MAST4: variants seen among roughly 807,000 people sequenced by gnomAD.
MAST4 encodes microtubule associated serine/threonine kinase family member 4.
Under a neutral mutation model 162.7 loss-of-function variants are expected in MAST4, and 89 were observed. The ratio of observed to expected loss-of-function variants is 0.55; its 90% CI spans 0.46 to 0.65. MAST4 has a LOEUF of 0.65. MAST4 is among the 30% of genes least tolerant of loss of function. The pLI is 0.00. For missense variants in MAST4, 3,153 were observed against 3,374.0 expected (o/e 0.93, Z 1.62); for synonymous variants, 1,479 against 1,361.1 (o/e 1.09, Z -1.91).
chr5:66,900,728 T>C (rs1762958058), intron 4 of MAST4, among the ~76,000 whole-genome samples: 1 of 148,932 alleles, frequency 6.7e-6, no homozygotes, highest in Non-Finnish European at 1.5e-5. Context: ...TAAAAAAAAA[T>C]AGTATTTAAG....
intron 4 of MAST4, among the ~76,000 whole-genome samples, chr5:66,980,013 T>TG (rs113221778): frequency 0.16 from 24,840 of 152,214 alleles, 3,555 homozygotes; most frequent in African/African-American, 0.39. Context: ...GCAAGATTTT[T>TG]GTGTGTAGAA....
At chr5:66,912,950 T>C (rs1415436220) in intron 4 of MAST4, among the ~76,000 whole-genome samples, 3 of 152,188 alleles carry the variant, frequency 2.0e-5, no homozygotes, top group Admixed American at 6.5e-5. Flanking sequence ...AATTGTGAAT[T>C]CTGTTTGTGT....
In MAST4 at chr5:66,609,329, C is replaced by T. The variant is rs1367608282; in HGVS notation, c.363+12311C>T. 2.6e-5 allele frequency among the ~76,000 whole-genome samples: 4 copies of T among 151,654 alleles called. No individual in the cohort carries two copies. In the East Asian group the frequency reaches 7.8e-4, roughly 29 times the overall value. ...ATAGCTGCCCAGCCCTTAAAGTGGA[C>T]TGAAAGTCTATTTGCATAGTTAAAT... On this transcript the variant is annotated intron_variant, in intron 1 of 28. Transcript: ENST00000403625.
chr5:66,659,847 C>G (rs939528631), intron 1 of MAST4, among the ~76,000 whole-genome samples: 4 of 152,148 alleles, frequency 2.6e-5, no homozygotes, highest in Admixed American at 1.3e-4. Flanking sequence ...ACAAAGAGGA[C>G]AAGACATTTG....
chr5:66,769,948 T>A (rs1168655887), intron 2 of MAST4, among the ~76,000 whole-genome samples: 1 of 152,248 alleles, frequency 6.6e-6, no homozygotes, highest in Non-Finnish European at 1.5e-5. Context: ...ATCCTGCTGG[T>A]ATTTGTTTTA....
chr5:66,623,144 G>A (rs182777470), intron 1 of MAST4: 2 of 152,320 alleles, frequency 1.3e-5, no homozygotes, highest in East Asian at 1.9e-4. Context: ...CACCAGGGAA[G>A]CCCTCAAACA....
intron 4 of MAST4, among the ~76,000 whole-genome samples, chr5:66,964,221 A>C (rs1201158270): frequency 6.6e-6 from 1 of 152,146 alleles, no homozygotes; most frequent in Non-Finnish European, 1.5e-5. Flanking sequence ...TATTTTTTAA[A>C]TCATTTTTTA....
At chr5:67,150,374 A>G (rs1223730242) in intron 24 of MAST4, among the ~76,000 whole-genome samples, 4 of 152,248 alleles carry the variant, frequency 2.6e-5, no homozygotes, top group Non-Finnish European at 5.9e-5. Flanking sequence ...CATGTATAAA[A>G]GGCATTGTTT....
chr5:66,960,876 C>T lies in MAST4; in HGVS notation c.674+60894C>T, dbSNP rs114703918. On this transcript the variant is annotated intron_variant, in intron 4 of 28. Transcript: ENST00000403625. ...CTGAATTATGCCACGAGTTTTATGA[C>T]CTTGCCAGCGTCGACACAGGACATA... 2.3e-3 allele frequency among the ~76,000 whole-genome samples: 344 copies of T among 152,256 alleles called. 1 individual carries two copies. The highest frequency in any genetic ancestry group is 7.8e-3 in the African/African-American group (326 of 41,544).
At chr5:66,993,920 A>ACCCCCCCCCCC (rs55759396) in intron 4 of MAST4, among the ~76,000 whole-genome samples, 23 of 57,690 alleles carry the variant, frequency 4.0e-4, no homozygotes, top group East Asian at 6.2e-4. Context: ...TGTGCAGAAG[A>ACCCCCCCCCCC]CCCCCCCCCC....
intron 1 of MAST4, among the ~76,000 whole-genome samples, chr5:66,739,520 A>G (rs1430214327): frequency 6.6e-6 from 1 of 152,120 alleles, no homozygotes; most frequent in Non-Finnish European, 1.5e-5. Flanking sequence ...ACATATATAG[A>G]GGCATTTCGA....
intron 3 of MAST4, among the ~76,000 whole-genome samples, chr5:66,891,896 A>G (rs1326409592): frequency 6.6e-6 from 1 of 152,210 alleles, no homozygotes; most frequent in Non-Finnish European, 1.5e-5. Context: ...AATACACGCA[A>G]GGGTAGATGT....
chr5:67,134,419 T>A, intron 17 of MAST4, 104 bp from the exon 18 acceptor site: 2 of 937,900 alleles, frequency 2.1e-6, no homozygotes, highest in Non-Finnish European at 3.2e-6. Flanking sequence ...TTCCATGTGG[T>A]TGAGCAGGTG....
Position 66,853,611 on chromosome 5 carries a change from A to G in MAST4, c.643-46340A>G, listed in dbSNP as rs1192721089. ...GTTTGTGCAGAAGTTACTAAGTCTC[A>G]TCAGAAAGAGGAGAATGTAGACTTC... On this transcript the variant is annotated intron_variant, in intron 3 of 28. Transcript: ENST00000403625. Among the ~76,000 whole-genome samples, 3 of 152,206 alleles carry G rather than the reference A, an allele frequency of 2.0e-5. No homozygotes were observed. In the South Asian group the frequency reaches 6.2e-4, roughly 31 times the overall value.
At chr5:66,862,512 TATGTA>T (rs1760192190) in intron 3 of MAST4, among the ~76,000 whole-genome samples, 1 of 152,238 alleles carries the variant, frequency 6.6e-6, no homozygotes, top group East Asian at 1.9e-4. Flanking sequence ...TTTGAATCGA[TATGTA>T]ATGTTTTAAA....
chr5:67,100,336 A>C (rs1764895411), intron 7 of MAST4, 99 bp from the exon 8 acceptor site: 1 of 1,121,794 alleles, frequency 8.9e-7, no homozygotes. Flanking sequence ...AAACAATAAA[A>C]ATGGTGGTAT....
chr5:66,802,389 C>T (rs940509379), intron 3 of MAST4, among the ~76,000 whole-genome samples: 1 of 152,056 alleles, frequency 6.6e-6, no homozygotes. Flanking sequence ...TTTGAGAGCC[C>T]AACCAGAGAA....
intron 1 of MAST4, among the ~76,000 whole-genome samples, chr5:66,654,790 A>G (rs1057062181): frequency 1.3e-5 from 2 of 152,204 alleles, no homozygotes; most frequent in African/African-American, 4.8e-5. Flanking sequence ...AGAATCACAC[A>G]AAATTAAATA....
intron 3 of MAST4, among the ~76,000 whole-genome samples, chr5:66,880,055 GATAAA>G (rs1422253350): frequency 6.6e-6 from 1 of 152,182 alleles, no homozygotes; most frequent in Non-Finnish European, 1.5e-5. Flanking sequence ...TAGTTAAGTG[GATAAA>G]CAAATTATGT....
Sources: gnomAD v4.1 joint callset for allele counts (sites outside exome capture counted in the v4.1 genomes callset) on GRCh38, gnomAD v4.1.1 for gene constraint, MANE v1.5 for transcripts, NCBI Gene and HGNC (gene_info 2026-07-23, HGNC 2026-07-21) for gene names.